The following EPB41L4B variants were observed in gnomAD, a reference collection of about 807,000 sequenced individuals.
The protein encoded by EPB41L4B is erythrocyte membrane protein band 4.1 like 4B.
EPB41L4B carries 30 observed loss-of-function variants against 112.5 expected under a neutral mutation model. The observed-to-expected ratio is 0.27, with a 90% CI of 0.20 to 0.36. The LOEUF (loss-of-function observed/expected upper bound fraction) is 0.36, where lower values mean the gene tolerates loss of function less well. EPB41L4B is among the 10% of genes least tolerant of loss of function. The pLI, the probability that EPB41L4B is intolerant of heterozygous loss-of-function variation, is 1.00. For synonymous variants in EPB41L4B, 408 were observed against 439.7 expected, an observed-to-expected ratio of 0.93 and a Z score of 0.90; for missense variants, 1,024 against 1,133.3, an observed-to-expected ratio of 0.90 and a Z score of 1.38.
intron 1 of EPB41L4B, among the ~76,000 whole-genome samples, chr9:109,287,735 G>A (rs1049994946): frequency 6.6e-6 from 1 of 152,112 alleles, no homozygotes; most frequent in Admixed American, 6.5e-5. Context: ...CTGGGCTCAA[G>A]CGATCCTCCC....
In EPB41L4B at chr9:109,217,081, C is replaced by T; in HGVS notation, c.1474G>A (p.Gly492Arg). 5 of 1,614,216 alleles carry T rather than the reference C, an allele frequency of 3.1e-6. No homozygotes were observed. The highest frequency in any genetic ancestry group is 2.5e-6 in the Non-Finnish European group (3 of 1,180,054). ...DRLPFGIEEN[G>R]GTPFLTAASG... ...GCTGCGGTGAGGAACGGTGTGCCCCCATTCTCCTCAATGCCAAAAGGCAAC... is the reference window on the plus strand; with the variant it reads ...GCTGCGGTGAGGAACGGTGTGCCCCTATTCTCCTCAATGCCAAAAGGCAAC... The change falls in exon 16 of 26, where the codon GGG becomes AGG. Residue 492 changes from glycine (G) to arginine (R), a missense_variant. Coordinates refer to ENST00000374566, the MANE Select transcript of EPB41L4B (RefSeq NM_019114.5).
Position 109,194,373 on chromosome 9 carries a change from G to A in EPB41L4B, c.2070C>T (p.Asp690=), listed in dbSNP as rs761491088. Residue 690 remains aspartate, a synonymous_variant, in exon 21 of 26, where the codon GAC becomes GAT. Transcript: ENST00000374566. ...YSFDEDDLPP[D]LAEAVGVTTS... is the part of the protein sequence containing the mutation. ...TGGTCACTCCCACTGCCTCGGCCAG[G>A]TCTGGAGGGAGGTCGTCTTCATCAC... The A allele has an allele frequency of 1.2e-6, 2 of 1,614,028 alleles. No homozygotes were observed. Among genetic ancestry groups the A allele is most frequent in the African/African-American group, 2.7e-5 (2 of 74,926 alleles).
rs994099956 is a variant in EPB41L4B, at chr9:109,288,459, G to A, written c.307-8538C>T. 3.9e-5 allele frequency among the ~76,000 whole-genome samples: 6 copies of A among 152,006 alleles called. No homozygotes were observed. The East Asian group carries it at 5.8e-4, about 15-fold the overall frequency. On this transcript the variant is annotated intron_variant, in intron 1 of 25. Transcript: ENST00000374566. ...ACTAGGGCTAGGCACAGTGGCTCAC[G>A]TCTGTAATCCCAGCACTTTGGGAGG...
intron 14 of EPB41L4B, among the ~76,000 whole-genome samples, chr9:109,245,767 C>T (rs942551477): frequency 2.6e-5 from 4 of 152,176 alleles, no homozygotes; most frequent in African/African-American, 7.2e-5. Flanking sequence ...GTTCTCTTCC[C>T]GGTCAATTTA....
At chr9:109,237,016 T>G (rs942203968) in intron 15 of EPB41L4B, among the ~76,000 whole-genome samples, 2 of 152,222 alleles carry the variant, frequency 1.3e-5, no homozygotes, top group African/African-American at 2.4e-5. Context: ...AGGGAGTTCT[T>G]TAATGAGCTC....
chr9:109,253,484 C>T lies in EPB41L4B; in HGVS notation c.1236G>A (p.Lys412=), dbSNP rs773541733. The T allele has an allele frequency of 6.2e-7, 1 of 1,614,018 alleles. No individual in the cohort carries two copies. Among genetic ancestry groups the T allele is most frequent in the Non-Finnish European group, 8.5e-7 (1 of 1,179,898 alleles). ...RLRRTSTFER[K]PSKRYPSRRH... The stretch of plus-strand genomic sequence containing the variant: ...TCCGGGATGGATAACGTTTACTAGG[C>T]TTCCTCTCAAAGGTGCTGGTTCTTC... The change falls in exon 12 of 26, where the codon AAG becomes AAA. Residue 412 remains lysine (K), a synonymous_variant. Transcript: ENST00000374566.
At chr9:109,274,176 C>A (rs1012768314) in intron 2 of EPB41L4B, among the ~76,000 whole-genome samples, 28 of 152,150 alleles carry the variant, frequency 1.8e-4, no homozygotes, top group Non-Finnish European at 2.9e-4. Context: ...TTCCTTACTG[C>A]AAAATGTACC....
intron 25 of EPB41L4B, 149 bp downstream of exon 25, chr9:109,176,402 G>GC: frequency 3.3e-6 from 3 of 902,180 alleles, no homozygotes; most frequent in Non-Finnish European, 4.7e-6. Flanking sequence ...ACCGCACCTG[G>GC]CCCCTTTATA....
At chr9:109,182,656 G>A (rs1278224769) in intron 24 of EPB41L4B, 73 bp downstream of exon 24, 1 of 1,121,260 alleles carries the variant, frequency 8.9e-7, no homozygotes, top group African/African-American at 1.5e-5. Flanking sequence ...CTTGCTGTCT[G>A]GCATCCCGCA....
intron 24 of EPB41L4B, among the ~76,000 whole-genome samples, chr9:109,180,163 A>G (rs1832001423): frequency 1.3e-5 from 2 of 152,122 alleles, no homozygotes. Context: ...TGAATGTGTG[A>G]TGACCCCGCC....
intron 2 of EPB41L4B, among the ~76,000 whole-genome samples, chr9:109,270,470 T>G (rs1835569172): frequency 6.6e-6 from 1 of 152,212 alleles, no homozygotes; most frequent in South Asian, 2.1e-4. Context: ...CTCATTAGAA[T>G]CAGATGCTGC....
chr9:109,208,524 G>A (rs1447187130), intron 17 of EPB41L4B, among the ~76,000 whole-genome samples: 2 of 152,148 alleles, frequency 1.3e-5, no homozygotes, highest in Non-Finnish European at 2.9e-5. Context: ...ATTTATATTT[G>A]TTAGCTTATT....
At chr9:109,304,922 T>C (rs1837117425) in intron 1 of EPB41L4B, among the ~76,000 whole-genome samples, 1 of 152,124 alleles carries the variant, frequency 6.6e-6, no homozygotes, top group African/African-American at 2.4e-5. Context: ...GAGGGTTTCC[T>C]TTTGGGGTGA....
intron 14 of EPB41L4B, among the ~76,000 whole-genome samples, chr9:109,247,055 G>T (rs924757459): frequency 6.6e-6 from 1 of 152,004 alleles, no homozygotes; most frequent in Non-Finnish European, 1.5e-5. Flanking sequence ...AAGTGCAGTG[G>T]TATTCATGAT....
chr9:109,183,806 C>T (rs545216383), intron 23 of EPB41L4B, among the ~76,000 whole-genome samples: 8 of 152,352 alleles, frequency 5.3e-5, no homozygotes, highest in Admixed American at 2.0e-4. Flanking sequence ...TGCCTGTGGA[C>T]ACTGGGATAG....
At chr9:109,186,536 G>C (rs1350180444) in intron 22 of EPB41L4B, among the ~76,000 whole-genome samples, 1 of 151,772 alleles carries the variant, frequency 6.6e-6, no homozygotes, top group Non-Finnish European at 1.5e-5. Context: ...GTGCAGTCGT[G>C]TGATCACAGC....
At chr9:109,314,637 C>G (rs10979821) in intron 1 of EPB41L4B, among the ~76,000 whole-genome samples, 72 of 128,512 alleles carry the variant, frequency 5.6e-4, no homozygotes, top group Non-Finnish European at 6.9e-4. Context: ...CTCTCTCACC[C>G]CCCCCCACCT....
At chr9:109,271,344 C>T (rs1363843658) in intron 2 of EPB41L4B, among the ~76,000 whole-genome samples, 4 of 152,346 alleles carry the variant, frequency 2.6e-5, no homozygotes, top group Admixed American at 6.5e-5. Flanking sequence ...GAATCAGAAA[C>T]GGCTTCCTCA....
chr9:109,181,659 A>C (rs1353888460), intron 24 of EPB41L4B, among the ~76,000 whole-genome samples: 1 of 152,054 alleles, frequency 6.6e-6, no homozygotes, highest in Non-Finnish European at 1.5e-5. Flanking sequence ...CAACATAGTG[A>C]GACCTCATCT....
Sources: allele counts gnomAD v4.1 joint callset (sites outside exome capture counted in the v4.1 genomes callset), GRCh38; gene constraint gnomAD v4.1.1; transcripts MANE v1.5; gene names NCBI Gene and HGNC (gene_info 2026-07-23, HGNC 2026-07-21).